Variants in SLC16A2 observed in about 807,000 individuals in gnomAD.
SLC16A2 encodes the protein solute carrier family 16 member 2.
A neutral mutation model predicts 27.2 loss-of-function variants in SLC16A2; 3 were observed. The observed-to-expected ratio is 0.11, with a 90% CI of 0.05 to 0.28. The LOEUF (loss-of-function observed/expected upper bound fraction) is 0.28, where lower values mean the gene tolerates loss of function less well. Among genes scored for constraint, SLC16A2 ranks in the 10% least tolerant of loss-of-function variants. SLC16A2 has a pLI of 1.00. For missense variants in SLC16A2, 295 were observed against 458.5 expected, an observed-to-expected ratio of 0.64 and a Z score of 3.26; for synonymous variants, 202 against 187.8, an observed-to-expected ratio of 1.08 and a Z score of -0.62.
At chrX:74,477,504 A>C (rs1431748015) in intron 1 of SLC16A2, among the ~76,000 whole-genome samples, 1 of 111,116 alleles carries the variant, frequency 9.0e-6, no homozygotes, top group Admixed American at 9.5e-5. Context: ...GATCTTAGTT[A>C]TATCTTGCCT....
intron 1 of SLC16A2, among the ~76,000 whole-genome samples, chrX:74,460,931 G>T (rs1280298866): frequency 2.7e-5 from 3 of 111,881 alleles, no homozygotes; most frequent in Non-Finnish European, 5.6e-5. Context: ...GATTACAGGT[G>T]TGAGCCACTG....
chrX:74,451,199 G>T (rs947604050), intron 1 of SLC16A2, among the ~76,000 whole-genome samples: 1 of 112,513 alleles, frequency 8.9e-6, no homozygotes, highest in African/African-American at 3.2e-5. Context: ...CTTTTAGTGT[G>T]ATGAGTCAGG....
In SLC16A2 at chrX:74,421,690, C is replaced by T. The variant is rs757187007; in HGVS notation, c.53C>T (p.Ala18Val). The change falls in exon 1 of 6, where the codon GCA (alanine) becomes GTA (valine). Residue 18 changes from alanine (A) to valine (V), a missense_variant. By Grantham distance (64) the Ala-to-Val change is moderately conservative (BLOSUM62 0). Around this residue, in one of 3 missense-constraint regions of SLC16A2, gnomAD observed 92 missense variants for 85.1 expected, o/e 1.08. Coordinates refer to ENST00000587091, the MANE Select transcript of SLC16A2 (RefSeq NM_006517.5). Reference protein sequence around the residue: ...SEEAKGPWQEADQEQQEPVGS... With the variant: ...SEEAKGPWQEVDQEQQEPVGS... ...GAAGCAAAGGGGCCCTGGCAGGAGG[C>T]AGACCAGGAACAGCAGGAGCCGGTG... The T allele has an allele frequency of 8.4e-7, 1 of 1,195,829 alleles. No homozygotes were observed. The highest frequency in any genetic ancestry group is 1.8e-5 in the South Asian group (1 of 55,381).
intron 1 of SLC16A2, among the ~76,000 whole-genome samples, chrX:74,450,487 G>A (rs1036076874): frequency 3.6e-5 from 4 of 111,015 alleles, no homozygotes; most frequent in Non-Finnish European, 7.6e-5. Context: ...TCTGTGATCC[G>A]TACTCTTGTA....
At chrX:74,499,693 A>T (rs1489690973) in intron 1 of SLC16A2, among the ~76,000 whole-genome samples, 1 of 111,331 alleles carries the variant, frequency 9.0e-6, no homozygotes, top group Non-Finnish European at 1.9e-5. Context: ...GCCTCAAGTG[A>T]TCTGCCCACC....
chrX:74,486,906 T>TA (rs887565965), intron 1 of SLC16A2, among the ~76,000 whole-genome samples: 2 of 111,488 alleles, frequency 1.8e-5, no homozygotes, highest in Admixed American at 9.5e-5. Flanking sequence ...TACGCAGCCG[T>TA]AAAAAAGGAT....
chrX:74,473,950 A>G, intron 1 of SLC16A2: 1 of 354,619 alleles, frequency 2.8e-6, no homozygotes, highest in Non-Finnish European at 5.1e-6. Flanking sequence ...GCTGACTTAG[A>G]CACGATGGCA....
chrX:74,504,247 G>A (rs956273131), intron 1 of SLC16A2, among the ~76,000 whole-genome samples: 5 of 112,011 alleles, frequency 4.5e-5, no homozygotes, highest in Non-Finnish European at 9.4e-5. Flanking sequence ...CTGCCAGGTC[G>A]CTCTTGAGTC....
At chrX:74,514,206 A>G (rs1930279174) in intron 1 of SLC16A2, among the ~76,000 whole-genome samples, 1 of 108,445 alleles carries the variant, frequency 9.2e-6, no homozygotes, top group Admixed American at 9.9e-5. Flanking sequence ...TGCTTCACAT[A>G]TCTTAGACCT....
chrX:74,470,717 C>T (rs904646791), intron 1 of SLC16A2, among the ~76,000 whole-genome samples: 1 of 111,233 alleles, frequency 9.0e-6, no homozygotes, highest in Non-Finnish European at 1.9e-5. Context: ...GAGGCCGAGG[C>T]GGGCAGATCA....
chrX:74,452,122 C>T (rs1285371084), intron 1 of SLC16A2, among the ~76,000 whole-genome samples: 6 of 112,545 alleles, frequency 5.3e-5, no homozygotes, highest in East Asian at 2.8e-4. Flanking sequence ...GCCCCCAAGG[C>T]GCCCTCCAGA....
chrX:74,531,592 C>G lies in SLC16A2; in HGVS notation c.*39C>G, dbSNP rs992653659. On this transcript the variant is annotated 3_prime_UTR_variant, in exon 6 of 6. Coordinates refer to ENST00000587091, the MANE Select transcript of SLC16A2 (RefSeq NM_006517.5). ...ATTGTGTGCCCTTTCCCAGCTCTTC[C>G]CCTTCATCCCACCCTGCTCAGCATT... 12 of 1,038,779 alleles carry G rather than the reference C, an allele frequency of 1.2e-5. No individual in the cohort carries two copies. In the African/African-American group the frequency reaches 2.2e-4, roughly 19 times the overall value. 85.6% of individuals were successfully genotyped at this position (1,038,779 alleles called of 1,213,427 possible). A position where few individuals can be genotyped will look rare whatever the true frequency, so the allele number is the denominator to read the frequency against.
intron 1 of SLC16A2, among the ~76,000 whole-genome samples, chrX:74,440,288 A>G (rs1043327296): frequency 2.7e-5 from 3 of 111,695 alleles, no homozygotes; most frequent in Admixed American, 1.9e-4. Context: ...GTCCCAGGAA[A>G]ACCAAGATGT....
intron 1 of SLC16A2, among the ~76,000 whole-genome samples, chrX:74,483,517 CGTT>C (rs1929663483): frequency 9.0e-6 from 1 of 110,811 alleles, no homozygotes; most frequent in East Asian, 2.9e-4. Flanking sequence ...CCAAGATTGT[CGTT>C]GTTCCTGACA....
chrX:74,509,590 G>C (rs1382329595), intron 1 of SLC16A2, among the ~76,000 whole-genome samples: 1 of 110,698 alleles, frequency 9.0e-6, no homozygotes, highest in African/African-American at 3.3e-5. Flanking sequence ...TTGAGATGGA[G>C]TCTCACTCTG....
At chrX:74,480,885 T>C (rs978524372) in intron 1 of SLC16A2, among the ~76,000 whole-genome samples, 1 of 112,206 alleles carries the variant, frequency 8.9e-6, no homozygotes, top group African/African-American at 3.2e-5. Flanking sequence ...ACCATTATCA[T>C]GTTGAAAAAA....
chrX:74,427,802 C>T (rs1456769774), intron 1 of SLC16A2, among the ~76,000 whole-genome samples: 4 of 70,982 alleles, frequency 5.6e-5, no homozygotes, highest in African/African-American at 2.4e-4. Context: ...CGCACGCGTG[C>T]ACGCGCGCGC....
intron 1 of SLC16A2, among the ~76,000 whole-genome samples, chrX:74,461,260 C>T (rs931667235): frequency 8.9e-6 from 1 of 111,899 alleles, no homozygotes; most frequent in African/African-American, 3.2e-5. Context: ...CTTGTACTCT[C>T]TGTAACCTTC....
At chrX:74,435,541 A>ATATGCG (rs1555980981) in intron 1 of SLC16A2, among the ~76,000 whole-genome samples, 2 of 79,330 alleles carry the variant, frequency 2.5e-5, no homozygotes, top group African/African-American at 1.1e-4. Flanking sequence ...ATATATGTAT[A>ATATGCG]TATATATATA....
Sources: gnomAD v4.1 joint callset for allele counts (sites outside exome capture counted in the v4.1 genomes callset) on GRCh38, gnomAD v4.1.1 for gene constraint, gnomAD v4.1.1 regional missense constraint, MANE v1.5 for transcripts, NCBI Gene and HGNC (gene_info 2026-07-23, HGNC 2026-07-21) for gene names.